GNA12: variants seen among roughly 807,000 people sequenced by gnomAD.
The protein encoded by GNA12 is guanine nucleotide-binding protein subunit alpha-12.
Under a neutral mutation model 26.0 loss-of-function variants are expected in GNA12, and 9 were observed. That is an observed-to-expected ratio of 0.35 (90% CI 0.21 to 0.60). The LOEUF is 0.60. Among genes scored for constraint, GNA12 ranks in the 20% least tolerant of loss-of-function variants. The probability of loss-of-function intolerance (pLI) is 0.78; values close to 1 mark genes in which losing one functional copy is unlikely to be tolerated. For synonymous variants in GNA12, 264 were observed against 219.6 expected (o/e 1.20, Z -1.79); for missense variants, 405 against 525.8 (o/e 0.77, Z 2.25).
intron 1 of GNA12, chr7:2,814,906 G>A (rs753499454): frequency 3.1e-6 from 5 of 1,600,476 alleles, no homozygotes; most frequent in East Asian, 2.3e-5. Flanking sequence ...GCTAGGCACG[G>A]CCTGGGAAAC....
At chr7:2,794,308 C>T (rs1792595292) in intron 2 of GNA12, among the ~76,000 whole-genome samples, 2 of 151,710 alleles carry the variant, frequency 1.3e-5, no homozygotes, top group African/African-American at 4.9e-5. Context: ...ATCAGCTGTG[C>T]ACATTTATGC....
intron 2 of GNA12, among the ~76,000 whole-genome samples, chr7:2,773,540 C>T (rs1382866977): frequency 3.3e-5 from 5 of 152,114 alleles, no homozygotes; most frequent in African/African-American, 4.8e-5. Flanking sequence ...CCAGCCAGGG[C>T]GACAGAGTGA....
At chr7:2,777,456 T>C (rs1792105201) in intron 2 of GNA12, among the ~76,000 whole-genome samples, 2 of 152,260 alleles carry the variant, frequency 1.3e-5, no homozygotes, top group East Asian at 1.9e-4. Context: ...ATGGAATGGC[T>C]GTGCCTCCCC....
chr7:2,760,506 T>A (rs1245898005), intron 2 of GNA12: 1 of 152,360 alleles, frequency 6.6e-6, no homozygotes, highest in Non-Finnish European at 1.5e-5. Context: ...TGGCTTCACT[T>A]CCTTCTGGGC....
rs908123120 is a variant in GNA12 at position 2,730,609 on chromosome 7, A to G, written c.*572T>C. 2.0e-5 allele frequency: 3 copies of G among 152,596 alleles called. No individual in the cohort carries two copies. The highest frequency in any genetic ancestry group is 1.9e-4 in the East Asian group (1 of 5,336). The allele number at this position is 152,596 out of a possible 1,614,324, so 9.5% of individuals were successfully genotyped here. On this transcript the variant is annotated 3_prime_UTR_variant, in exon 4 of 4. Transcript: ENST00000275364. ...ATCGGCACGGGAGTTTGAAAAGGCA[A>G]CGTGCTCCCTTTGGGAGGTGGCCTT...
intron 2 of GNA12, among the ~76,000 whole-genome samples, chr7:2,750,806 A>C (rs577003189): frequency 2.0e-5 from 3 of 152,338 alleles, no homozygotes; most frequent in African/African-American, 7.2e-5. Flanking sequence ...GAAGTTACAA[A>C]GTGAGGCCTC....
rs187193245 is a variant in GNA12, at chr7:2,806,904, A to T, written c.310-11761T>A. ...GGCTATTTTCTTGTGACAAATTCCT[A>T]GATGTTGAATTATAAAACTGCTGGG... On this transcript the variant is annotated intron_variant, in intron 1 of 3. Coordinates refer to ENST00000275364, the MANE Select transcript of GNA12 (RefSeq NM_007353.3). Among the ~76,000 whole-genome samples the T allele has an allele frequency of 2.4e-4, 36 of 152,322 alleles. No individual in the cohort carries two copies. In the East Asian group the frequency reaches 5.0e-3, roughly 21 times the overall value.
At chr7:2,815,083 A>G in intron 1 of GNA12, 1 of 1,303,800 alleles carries the variant, frequency 7.7e-7, no homozygotes, top group Non-Finnish European at 1.0e-6. Flanking sequence ...AGGACACAAC[A>G]GAGAACCAGA....
At chr7:2,733,981 C>G (rs530006965) in intron 2 of GNA12, among the ~76,000 whole-genome samples, 2 of 152,234 alleles carry the variant, frequency 1.3e-5, no homozygotes, top group Admixed American at 1.3e-4. Flanking sequence ...AGCAAAACAT[C>G]TTCCAGTTTC....
chr7:2,759,922 G>A (rs1311256139), intron 2 of GNA12, among the ~76,000 whole-genome samples: 1 of 152,202 alleles, frequency 6.6e-6, no homozygotes, highest in African/African-American at 2.4e-5. Context: ...CCTGCTTTCT[G>A]CCACCTGCTC....
rs902028885 is a variant in GNA12 at position 2,748,968 on chromosome 7, T to C, written c.526-15467A>G. Reference sequence around the variant, plus strand: ...AATCAAAACCACAATGAGATGCCATTTCACACCAGTTAGAATGGTGATCAT... The same window carrying C: ...AATCAAAACCACAATGAGATGCCATCTCACACCAGTTAGAATGGTGATCAT... On this transcript the variant is annotated intron_variant, in intron 2 of 3. Transcript: ENST00000275364. Among the ~76,000 whole-genome samples, 35 of 152,286 alleles carry C rather than the reference T, an allele frequency of 2.3e-4. 2 individuals are homozygous for C. The highest frequency in any genetic ancestry group is 7.0e-4 in the African/African-American group (29 of 41,572).
At chr7:2,749,378 A>G (rs562783537) in intron 2 of GNA12, among the ~76,000 whole-genome samples, 9 of 152,266 alleles carry the variant, frequency 5.9e-5, no homozygotes, top group African/African-American at 2.2e-4. Flanking sequence ...GGATGAAACT[A>G]GAAACCATCA....
At chr7:2,810,180 A>G (rs553507268) in intron 1 of GNA12, among the ~76,000 whole-genome samples, 1 of 152,346 alleles carries the variant, frequency 6.6e-6, no homozygotes, top group African/African-American at 2.4e-5. Context: ...TCTTTCTCAC[A>G]GTTCTGGAGG....
chr7:2,803,504 G>A (rs1477042542), intron 1 of GNA12, among the ~76,000 whole-genome samples: 1 of 152,140 alleles, frequency 6.6e-6, no homozygotes, highest in Non-Finnish European at 1.5e-5. Context: ...CCAAAACCAG[G>A]AATTCACCAA....
At chr7:2,810,407 G>C (rs978619529) in intron 1 of GNA12, among the ~76,000 whole-genome samples, 3 of 152,154 alleles carry the variant, frequency 2.0e-5, no homozygotes, top group Non-Finnish European at 2.9e-5. Flanking sequence ...TAAGGGTTAG[G>C]ATTTCAACAT....
At chr7:2,787,824 G>T (rs1792402749) in intron 2 of GNA12, among the ~76,000 whole-genome samples, 1 of 152,182 alleles carries the variant, frequency 6.6e-6, no homozygotes, top group Non-Finnish European at 1.5e-5. Flanking sequence ...CCAGATTTGT[G>T]GTCATCTTCT....
intron 2 of GNA12, among the ~76,000 whole-genome samples, chr7:2,781,379 A>C (rs1792223363): frequency 6.7e-6 from 1 of 149,156 alleles, no homozygotes; most frequent in African/African-American, 2.5e-5. Context: ...TTGCCTTTCA[A>C]ATTTGGTCTC....
At chr7:2,769,395 T>C (rs1369509274) in intron 2 of GNA12, among the ~76,000 whole-genome samples, 3 of 152,142 alleles carry the variant, frequency 2.0e-5, no homozygotes, top group Non-Finnish European at 4.4e-5. Context: ...TATCTGTAAA[T>C]AGAACAGCTA....
intron 1 of GNA12, among the ~76,000 whole-genome samples, chr7:2,843,421 G>A (rs967644293): frequency 2.6e-5 from 4 of 152,024 alleles, no homozygotes; most frequent in Admixed American, 2.0e-4. Context: ...AAGGCAGGAG[G>A]ATCACTTGAG....
Sources: allele counts gnomAD v4.1 joint callset (sites outside exome capture counted in the v4.1 genomes callset), GRCh38; gene constraint gnomAD v4.1.1; transcripts MANE v1.5; gene names NCBI Gene and HGNC (gene_info 2026-07-23, HGNC 2026-07-21).